Variants in CD247 observed in about 807,000 individuals in gnomAD.
The protein encoded by CD247 is CD247 molecule.
A neutral mutation model predicts 30.0 loss-of-function variants in CD247; 13 were observed. That is an observed-to-expected ratio of 0.43 (90% CI 0.28 to 0.69). The LOEUF (loss-of-function observed/expected upper bound fraction) is 0.69, where lower values mean the gene tolerates loss of function less well. CD247 is among the 30% of genes least tolerant of loss of function. The pLI is 0.16. For missense variants in CD247, 193 were observed against 212.6 expected (o/e 0.91, Z 0.57); for synonymous variants, 72 against 80.0 (o/e 0.90, Z 0.53).
At chr1:167,458,029 A>G (rs1030790339) in intron 1 of CD247, among the ~76,000 whole-genome samples, 2 of 152,202 alleles carry the variant, frequency 1.3e-5, no homozygotes, top group Non-Finnish European at 2.9e-5. Context: ...CTGAAAGAAC[A>G]TTTTTATGGG....
At chr1:167,473,375 C>G (rs1019006311) in intron 1 of CD247, among the ~76,000 whole-genome samples, 1 of 152,154 alleles carries the variant, frequency 6.6e-6, no homozygotes, top group Non-Finnish European at 1.5e-5. Flanking sequence ...CATATTGTTT[C>G]GAAAATAAGG....
At chr1:167,483,419 C>G (rs962066600) in intron 1 of CD247, among the ~76,000 whole-genome samples, 2 of 152,150 alleles carry the variant, frequency 1.3e-5, no homozygotes, top group African/African-American at 4.8e-5. Context: ...CCTCCCTCCC[C>G]CTCCCTACCC....
chr1:167,478,199 A>G (rs1166984107), intron 1 of CD247, among the ~76,000 whole-genome samples: 2 of 152,202 alleles, frequency 1.3e-5, no homozygotes, highest in East Asian at 3.9e-4. Flanking sequence ...CTCCGGCTAC[A>G]CTGACAGCTG....
Position 167,495,462 on chromosome 1 carries a change from A to G in CD247, c.58+22946T>C, listed in dbSNP as rs35671774. On this transcript the variant is annotated intron_variant, in intron 1 of 7. Coordinates refer to ENST00000362089, the MANE Select transcript of CD247 (RefSeq NM_198053.3). ...TTATCACCTACGCAGTGCTTGGCAT[A>G]TAGGAGCGCAACAGATGTTTCTTGA... Among the ~76,000 whole-genome samples the G allele has an allele frequency of 5.9e-5, 9 of 152,334 alleles. No individual in the cohort carries two copies. In the East Asian group the frequency reaches 1.7e-3, roughly 29 times the overall value.
intron 1 of CD247, among the ~76,000 whole-genome samples, chr1:167,497,977 C>T (rs774563187): frequency 9.9e-5 from 15 of 152,138 alleles, no homozygotes; most frequent in Admixed American, 4.6e-4. Context: ...CTGTCCTGGC[C>T]GCATAGTTTA....
intron 1 of CD247, among the ~76,000 whole-genome samples, chr1:167,442,986 CT>C (rs1184615470): frequency 6.6e-6 from 1 of 152,134 alleles, no homozygotes; most frequent in South Asian, 2.1e-4. Flanking sequence ...CCCATTCTTC[CT>C]TGAACACCCA....
chr1:167,438,691 C>T, intron 3 of CD247, 41 bp from the exon 4 acceptor site: 2 of 1,516,032 alleles, frequency 1.3e-6, no homozygotes, highest in Non-Finnish European at 1.8e-6. Flanking sequence ...GACGGAGGAA[C>T]CTCAGAAGGA....
chr1:167,482,993 A>ATTCTTTCTTTCTTTCTTTCT (rs146766315), intron 1 of CD247, among the ~76,000 whole-genome samples: 1 of 135,832 alleles, frequency 7.4e-6, no homozygotes, highest in Non-Finnish European at 1.6e-5. Flanking sequence ...ACTAACCAAT[A>ATTCTTTCTTTCTTTCTTTCT]TTCTTTCTTT....
At chr1:167,503,843 C>T (rs1005203606) in intron 1 of CD247, among the ~76,000 whole-genome samples, 1 of 152,138 alleles carries the variant, frequency 6.6e-6, no homozygotes, top group Non-Finnish European at 1.5e-5. Flanking sequence ...CCCCCCTACC[C>T]CCGCCTCTTC....
intron 1 of CD247, among the ~76,000 whole-genome samples, chr1:167,482,938 G>GTTT (rs1447427814): frequency 6.6e-6 from 1 of 151,908 alleles, no homozygotes; most frequent in Non-Finnish European, 1.5e-5. Flanking sequence ...CCTCTCTGAG[G>GTTT]TGCCTAATCT....
intron 1 of CD247, among the ~76,000 whole-genome samples, chr1:167,471,806 C>CT (rs369666520): frequency 2.9e-4 from 35 of 120,302 alleles, no homozygotes; most frequent in Admixed American, 6.5e-4. Flanking sequence ...AAAGTGATTT[C>CT]TTTTTTTTTT....
At chr1:167,473,095 A>ACACG (rs1449700519) in intron 1 of CD247, among the ~76,000 whole-genome samples, 1 of 136,984 alleles carries the variant, frequency 7.3e-6, no homozygotes, top group Admixed American at 7.1e-5. Context: ...CAAGTTTTAC[A>ACACG]CACACACACA....
intron 1 of CD247, among the ~76,000 whole-genome samples, chr1:167,478,801 T>C (rs1263675613): frequency 6.6e-6 from 1 of 152,236 alleles, no homozygotes; most frequent in African/African-American, 2.4e-5. Flanking sequence ...ATCTATGATT[T>C]GATAAATAAA....
intron 1 of CD247, among the ~76,000 whole-genome samples, chr1:167,515,290 C>A (rs972734027): frequency 6.6e-5 from 10 of 152,162 alleles, no homozygotes; most frequent in African/African-American, 2.2e-4. Context: ...CGCTGTGCAC[C>A]CACAATAGCC....
chr1:167,435,537 C>A, intron 4 of CD247, 103 bp from the exon 5 acceptor site: 1 of 927,254 alleles, frequency 1.1e-6, no homozygotes, highest in Non-Finnish European at 1.8e-6. Context: ...TTTCCTGGGG[C>A]TCTGCCGTCT....
At chr1:167,439,286 A>G in intron 3 of CD247, 58 bp downstream of exon 3, 1 of 1,499,180 alleles carries the variant, frequency 6.7e-7, no homozygotes, top group South Asian at 1.1e-5. Flanking sequence ...CGCGTTCCCT[A>G]GGTCCGAGGA....
Position 167,494,372 on chromosome 1 carries a change from A to G in CD247, c.58+24036T>C, listed in dbSNP as rs1026086393. On this transcript the variant is annotated intron_variant, in intron 1 of 7. Coordinates refer to ENST00000362089, the MANE Select transcript of CD247 (RefSeq NM_198053.3). The surrounding 1 kb of genome is among the most constrained non-coding windows in gnomAD (Gnocchi z 7.3). Reference sequence around the variant, plus strand: ...TGGCCAGGTAATTGGAACGTTCTAGAGACTGTTGGGTTGACTTGGATTTGG... The same window carrying G: ...TGGCCAGGTAATTGGAACGTTCTAGGGACTGTTGGGTTGACTTGGATTTGG... Among the ~76,000 whole-genome samples, 1 of 152,154 alleles carries G rather than the reference A, an allele frequency of 6.6e-6. No individual in the cohort carries two copies. The highest frequency in any genetic ancestry group is 1.5e-5 in the Non-Finnish European group (1 of 68,024).
intron 1 of CD247, among the ~76,000 whole-genome samples, chr1:167,486,302 G>A (rs1654204395): frequency 1.3e-5 from 2 of 152,206 alleles, no homozygotes; most frequent in Admixed American, 6.5e-5. Context: ...AGGCAACTCT[G>A]GGGAAAGTGC....
chr1:167,447,055 G>C (rs886432143), intron 1 of CD247, among the ~76,000 whole-genome samples: 1 of 151,912 alleles, frequency 6.6e-6, no homozygotes. Flanking sequence ...TGGGAGCTCA[G>C]TAGTGTGTAG....
Sources: allele counts gnomAD v4.1 joint callset (sites outside exome capture counted in the v4.1 genomes callset), GRCh38; gene constraint gnomAD v4.1.1; non-coding constraint Gnocchi (gnomAD v3.1); transcripts MANE v1.5; gene names NCBI Gene and HGNC (gene_info 2026-07-23, HGNC 2026-07-21).